Variants in MRPS27 observed in about 807,000 individuals in gnomAD.
MRPS27 encodes the protein small ribosomal subunit protein mS27.
Under a neutral mutation model 48.9 loss-of-function variants are expected in MRPS27, and 43 were observed. The ratio of observed to expected loss-of-function variants is 0.88; its 90% CI spans 0.69 to 1.13. The LOEUF is 1.13. Ranked by LOEUF, MRPS27 falls within the 50% of genes most tolerant of loss-of-function variation. The pLI is 0.00. For synonymous variants in MRPS27, 188 were observed against 171.9 expected, an observed-to-expected ratio of 1.09 and a Z score of -0.73; for missense variants, 467 against 476.3, an observed-to-expected ratio of 0.98 and a Z score of 0.18.
chr5:72,310,405 G>A (rs1055904601), intron 2 of MRPS27, among the ~76,000 whole-genome samples: 93 of 152,120 alleles, frequency 6.1e-4, no homozygotes, highest in African/African-American at 2.1e-3. Flanking sequence ...TCAAAAAAGA[G>A]GGGGGTGGGG....
chr5:72,299,361 T>G (rs1580111223), intron 2 of MRPS27, among the ~76,000 whole-genome samples: 3 of 146,918 alleles, frequency 2.0e-5, no homozygotes, highest in African/African-American at 7.5e-5. Context: ...GGGGAAAGGA[T>G]CAATAAAATA....
chr5:72,273,292 G>T (rs533525210), intron 4 of MRPS27, among the ~76,000 whole-genome samples: 1 of 152,182 alleles, frequency 6.6e-6, no homozygotes, highest in Non-Finnish European at 1.5e-5. Flanking sequence ...GAAAAAATTA[G>T]CCTCAAATAT....
intron 2 of MRPS27, among the ~76,000 whole-genome samples, chr5:72,312,493 A>G (rs1392740899): frequency 6.6e-6 from 1 of 152,170 alleles, no homozygotes; most frequent in East Asian, 1.9e-4. Flanking sequence ...ATTTATATGC[A>G]ATATTTACCT....
intron 4 of MRPS27, among the ~76,000 whole-genome samples, chr5:72,260,119 A>G (rs1280134478): frequency 2.0e-5 from 3 of 152,112 alleles, no homozygotes; most frequent in Non-Finnish European, 4.4e-5. Flanking sequence ...CTCATTTTTC[A>G]TATCATTTTT....
chr5:72,302,049 T>C (rs1336434243), intron 2 of MRPS27, among the ~76,000 whole-genome samples: 1 of 152,208 alleles, frequency 6.6e-6, no homozygotes, highest in African/African-American at 2.4e-5. Flanking sequence ...TGGCAGATGG[T>C]TGTGGACAAC....
chr5:72,240,029 G>A (rs563101502), intron 4 of MRPS27, among the ~76,000 whole-genome samples: 26 of 152,248 alleles, frequency 1.7e-4, no homozygotes, highest in African/African-American at 6.3e-4. Flanking sequence ...CTTCAACGAT[G>A]GTGATGCTTC....
chr5:72,239,067 T>C (rs775319994), intron 4 of MRPS27, among the ~76,000 whole-genome samples: 3 of 152,170 alleles, frequency 2.0e-5, no homozygotes. Flanking sequence ...TATGTTTTCC[T>C]GAATCATTCA....
chr5:72,299,012 G>A (rs1482023269), intron 2 of MRPS27, among the ~76,000 whole-genome samples: 2 of 151,894 alleles, frequency 1.3e-5, no homozygotes, highest in African/African-American at 4.8e-5. Flanking sequence ...GTAAATTAAC[G>A]CAGGAACAGA....
At chr5:72,266,032 C>T (rs1749100076) in intron 4 of MRPS27, among the ~76,000 whole-genome samples, 1 of 151,694 alleles carries the variant, frequency 6.6e-6, no homozygotes, top group South Asian at 2.1e-4. Flanking sequence ...AAAGCTTCAC[C>T]TAAGATAGTA....
chr5:72,295,884 C>T (rs983994595), intron 3 of MRPS27, among the ~76,000 whole-genome samples: 9 of 152,196 alleles, frequency 5.9e-5, no homozygotes, highest in African/African-American at 2.2e-4. Context: ...GAGTGTTCCA[C>T]TGATTATAAC....
intron 1 of MRPS27, among the ~76,000 whole-genome samples, chr5:72,319,593 G>T (rs1345715569): frequency 6.8e-6 from 1 of 147,356 alleles, no homozygotes; most frequent in African/African-American, 2.5e-5. Context: ...GCCCAGGCTG[G>T]AGTGTAGTGG....
At chr5:72,261,953 G>A (rs1748991510) in intron 4 of MRPS27, among the ~76,000 whole-genome samples, 1 of 152,176 alleles carries the variant, frequency 6.6e-6, no homozygotes, top group South Asian at 2.1e-4. Flanking sequence ...GGTGATGCCT[G>A]CCAAGAGCAG....
At chr5:72,228,730 C>T (rs769914825) in intron 7 of MRPS27, 41 of 166,560 alleles carry the variant, frequency 2.5e-4, no homozygotes, top group South Asian at 5.7e-4. Context: ...AACCGACACT[C>T]GAGACAATCA....
intron 8 of MRPS27, 78 bp from the exon 9 acceptor site, chr5:72,226,277 A>G: frequency 6.5e-7 from 1 of 1,536,532 alleles, no homozygotes; most frequent in Non-Finnish European, 9.0e-7. Flanking sequence ...TGAAGGCCCA[A>G]GTGAATGTTC....
chr5:72,254,661 C>T (rs765041289), intron 4 of MRPS27, among the ~76,000 whole-genome samples: 2 of 152,130 alleles, frequency 1.3e-5, no homozygotes, highest in Admixed American at 6.5e-5. Flanking sequence ...CAATATAGCA[C>T]ATAATAGCAC....
At chr5:72,313,908 G>A (rs1750503408) in intron 2 of MRPS27, among the ~76,000 whole-genome samples, 173 bp downstream of exon 2, 1 of 152,144 alleles carries the variant, frequency 6.6e-6, no homozygotes, top group African/African-American at 2.4e-5. Flanking sequence ...AAATGAACAG[G>A]ATAAAACTGA....
At chr5:72,262,300 G>C (rs1169820060) in intron 4 of MRPS27, among the ~76,000 whole-genome samples, 1 of 152,112 alleles carries the variant, frequency 6.6e-6, no homozygotes, top group Non-Finnish European at 1.5e-5. Context: ...CATGTGGTTA[G>C]CAGTCAACGA....
intron 9 of MRPS27, among the ~76,000 whole-genome samples, 166 bp downstream of exon 9, chr5:72,225,891 G>A (rs528281563): frequency 2.6e-4 from 39 of 152,056 alleles, no homozygotes; most frequent in African/African-American, 8.9e-4. Context: ...CTTTGGTCAG[G>A]AGCATTGAAA....
At chr5:72,299,904 T>C (rs765491589) in intron 2 of MRPS27, among the ~76,000 whole-genome samples, 1 of 152,232 alleles carries the variant, frequency 6.6e-6, no homozygotes, top group Non-Finnish European at 1.5e-5. Context: ...TCTAGCATCA[T>C]GTCTACCAGG....
Sources: allele counts gnomAD v4.1 joint callset (sites outside exome capture counted in the v4.1 genomes callset), GRCh38; gene constraint gnomAD v4.1.1; transcripts MANE v1.5; gene names NCBI Gene and HGNC (gene_info 2026-07-23, HGNC 2026-07-21).